The following ADAMTS3 variants were observed in gnomAD, a reference collection of about 807,000 sequenced individuals.
The protein encoded by ADAMTS3 is ADAM metallopeptidase with thrombospondin type 1 motif 3, also known as A disintegrin and metalloproteinase with thrombospondin motifs 3.
In ADAMTS3, 73 loss-of-function variants were observed where a neutral mutation model predicts 129.0. The observed-to-expected ratio is 0.57, with a 90% CI of 0.47 to 0.69. The LOEUF is 0.69. Among genes scored for constraint, ADAMTS3 ranks in the 30% least tolerant of loss-of-function variants. The pLI, the probability that ADAMTS3 is intolerant of heterozygous loss-of-function variation, is 0.00. For synonymous variants in ADAMTS3, 477 were observed against 510.8 expected, an observed-to-expected ratio of 0.93 and a Z score of 0.89; for missense variants, 1,457 against 1,514.5, an observed-to-expected ratio of 0.96 and a Z score of 0.63.
At chr4:72,499,186 T>C (rs1719944996) in intron 3 of ADAMTS3, among the ~76,000 whole-genome samples, 3 of 152,154 alleles carry the variant, frequency 2.0e-5, no homozygotes, top group Admixed American at 2.0e-4. Flanking sequence ...ACATCTTCCA[T>C]TGTTTTGTCT....
At chr4:72,309,807 T>C (rs1015609472) in intron 14 of ADAMTS3, among the ~76,000 whole-genome samples, 79 of 152,192 alleles carry the variant, frequency 5.2e-4, no homozygotes, top group African/African-American at 1.9e-3. Context: ...TGAAAACAGA[T>C]GTAGCTGATG....
chr4:72,402,273 T>C (rs1721943788), intron 4 of ADAMTS3, among the ~76,000 whole-genome samples: 1 of 152,150 alleles, frequency 6.6e-6, no homozygotes, highest in South Asian at 2.1e-4. Flanking sequence ...TCACACAACA[T>C]ATATTTTCTA....
Position 72,403,515 on chromosome 4 carries a change from C to T in ADAMTS3, c.661+11300G>A, listed in dbSNP as rs188417171. On this transcript the variant is annotated intron_variant, in intron 4 of 21. Coordinates refer to ENST00000286657, the MANE Select transcript of ADAMTS3 (RefSeq NM_014243.3). The stretch of plus-strand genomic sequence containing the variant: ...AAGATCCCAAATTTGGATATACAGA[C>T]AATCAGAAAACTGAAAATTCCAAGG... Among the ~76,000 whole-genome samples, 38 of 151,832 alleles carry T rather than the reference C, an allele frequency of 2.5e-4. No homozygotes were observed. In the East Asian group the frequency reaches 2.5e-3, roughly 10 times the overall value.
chr4:72,319,667 G>C (rs1719500072), intron 8 of ADAMTS3, among the ~76,000 whole-genome samples, 191 bp downstream of exon 8: 1 of 152,182 alleles, frequency 6.6e-6, no homozygotes, highest in Admixed American at 6.5e-5. Context: ...GAAAACCACA[G>C]GAGTGCCTCT....
intron 2 of ADAMTS3, among the ~76,000 whole-genome samples, chr4:72,550,219 T>C (rs556046550): frequency 9.9e-5 from 15 of 152,050 alleles, no homozygotes; most frequent in Non-Finnish European, 1.9e-4. Flanking sequence ...CCCTAAAAAA[T>C]GGTATGATTC....
chr4:72,385,516 C>T (rs1721423723), intron 4 of ADAMTS3, among the ~76,000 whole-genome samples: 2 of 152,012 alleles, frequency 1.3e-5, no homozygotes, highest in Non-Finnish European at 2.9e-5. Context: ...AAGTGAAATG[C>T]TCCCTCCAAA....
rs776639669 is a variant in ADAMTS3, at chr4:72,315,903, A to T, written c.1554T>A (p.Thr518=). The T allele has an allele frequency of 6.2e-7, 1 of 1,613,578 alleles. No individual in the cohort carries two copies. The highest frequency in any genetic ancestry group is 2.2e-5 in the East Asian group (1 of 44,826). The stretch of plus-strand genomic sequence containing the variant: ...TCCCATCAAGTGGAGGTCCCTTTTT[A>T]GTCTTACAAAAGTAGGGATTATCAG... ...SHPDNPYFCK[T]KKGPPLDGTE... is the part of the protein sequence containing the mutation. The change falls in exon 11 of 22, where the codon ACT becomes ACA. Residue 518 remains threonine (T), a synonymous_variant. Coordinates refer to ENST00000286657, the MANE Select transcript of ADAMTS3 (RefSeq NM_014243.3).
At chr4:72,472,657 C>A (rs1039205996) in intron 3 of ADAMTS3, among the ~76,000 whole-genome samples, 6 of 152,112 alleles carry the variant, frequency 3.9e-5, no homozygotes, top group African/African-American at 7.2e-5. Context: ...TTTCACCTTG[C>A]AGTTCTGAAG....
intron 5 of ADAMTS3, among the ~76,000 whole-genome samples, chr4:72,327,519 G>A (rs1407154421): frequency 6.6e-6 from 1 of 152,156 alleles, no homozygotes; most frequent in Non-Finnish European, 1.5e-5. Flanking sequence ...TTTTACAAGT[G>A]CAAAAGCTCA....
chr4:72,568,289 T>C (rs978977497), intron 1 of ADAMTS3, among the ~76,000 whole-genome samples: 2 of 152,166 alleles, frequency 1.3e-5, no homozygotes, highest in Admixed American at 1.3e-4. Context: ...AACCCGACTC[T>C]GGCGGCAGCA....
chr4:72,355,293 A>T (rs1183237002), intron 4 of ADAMTS3, among the ~76,000 whole-genome samples: 1 of 152,004 alleles, frequency 6.6e-6, no homozygotes, highest in African/African-American at 2.4e-5. Flanking sequence ...AATATAATTA[A>T]TATATTCAGC....
intron 3 of ADAMTS3, among the ~76,000 whole-genome samples, chr4:72,467,448 T>C (rs1718952574): frequency 6.6e-6 from 1 of 152,070 alleles, no homozygotes; most frequent in African/African-American, 2.4e-5. Context: ...CCTTATAATC[T>C]AAATAAGATT....
rs183775044 is a variant in ADAMTS3 at position 72,426,286 on chromosome 4, C to T, written c.505-11315G>A. 2.0e-3 allele frequency among the ~76,000 whole-genome samples: 304 copies of T among 152,202 alleles called. 3 individuals are homozygous for T. The highest frequency in any genetic ancestry group is 7.1e-3 in the African/African-American group (295 of 41,522). ...AAATTTTCTCCTATGCTGTAAGTTG[C>T]CTGTTCACTCTGATGGTAGTTTCTT... On this transcript the variant is annotated intron_variant, in intron 3 of 21. Transcript: ENST00000286657.
chr4:72,315,991 A>G lies in ADAMTS3; in HGVS notation c.1486-20T>C. 1 of 1,488,680 alleles carries G rather than the reference A, an allele frequency of 6.7e-7. No homozygotes were observed. The highest frequency in any genetic ancestry group is 1.2e-5 in the South Asian group (1 of 85,718). 92.2% of individuals were successfully genotyped at this position (1,488,680 alleles called of 1,614,324 possible). A position where few individuals can be genotyped will look rare whatever the true frequency, so the allele number is the denominator to read the frequency against. ...TCGGAACTGGAAGATAGATAATCAA[A>G]TTGTCAGTGAACTCTCAGCTAGCAT... On this transcript the variant is annotated intron_variant, in intron 10 of 21. Transcript: ENST00000286657.
chr4:72,516,266 A>G (rs1720475169), intron 3 of ADAMTS3, among the ~76,000 whole-genome samples: 1 of 152,152 alleles, frequency 6.6e-6, no homozygotes, highest in Admixed American at 6.5e-5. Context: ...CAAGTCAGGT[A>G]GCGTGATGCC....
chr4:72,548,379 A>C (rs1578785177), intron 3 of ADAMTS3, 99 bp downstream of exon 3: 32 of 1,263,778 alleles, frequency 2.5e-5, no homozygotes, highest in Non-Finnish European at 3.4e-5. Flanking sequence ...TAACATAACA[A>C]TGAAGCCTCC....
chr4:72,289,693 G>T (rs752185942), intron 20 of ADAMTS3, among the ~76,000 whole-genome samples: 4 of 152,216 alleles, frequency 2.6e-5, no homozygotes, highest in African/African-American at 9.6e-5. Flanking sequence ...TGATTTATGG[G>T]CATGGGTTAA....
intron 4 of ADAMTS3, among the ~76,000 whole-genome samples, chr4:72,384,996 G>C (rs553432711): frequency 6.6e-6 from 1 of 151,874 alleles, no homozygotes; most frequent in Non-Finnish European, 1.5e-5. Flanking sequence ...CTGAAACCCC[G>C]TCTCTACTAA....
chr4:72,518,244 C>A (rs374191321), intron 3 of ADAMTS3, among the ~76,000 whole-genome samples: 3 of 151,864 alleles, frequency 2.0e-5, no homozygotes, highest in African/African-American at 4.8e-5. Context: ...GCTGAGGAGA[C>A]CTTTACTTCC....
Sources: gnomAD v4.1 joint callset for allele counts (sites outside exome capture counted in the v4.1 genomes callset) on GRCh38, gnomAD v4.1.1 for gene constraint, MANE v1.5 for transcripts, NCBI Gene and HGNC (gene_info 2026-07-23, HGNC 2026-07-21) for gene names.